Variants in ATXN7 observed in about 807,000 individuals in gnomAD.
ATXN7 encodes the protein ataxin-7.
Under a neutral mutation model 70.5 loss-of-function variants are expected in ATXN7, and 12 were observed. The ratio of observed to expected loss-of-function variants is 0.17; its 90% CI spans 0.11 to 0.28. The LOEUF (loss-of-function observed/expected upper bound fraction) is 0.28. Ranked by LOEUF, ATXN7 falls within the 10% of genes least tolerant of loss-of-function variation. ATXN7 has a pLI of 1.00. For missense variants in ATXN7, 1,256 were observed against 1,131.7 expected (o/e 1.11, Z -1.58); for synonymous variants, 498 against 448.7 (o/e 1.11, Z -1.39).
At chr3:63,989,414 C>T (rs559998596) in intron 9 of ATXN7, among the ~76,000 whole-genome samples, 1 of 152,342 alleles carries the variant, frequency 6.6e-6, no homozygotes, top group African/African-American at 2.4e-5. Context: ...CTTGTATCAC[C>T]TCCTGTCTCT....
At chr3:63,915,555 A>G (rs188359496) in intron 4 of ATXN7, among the ~76,000 whole-genome samples, 2 of 152,348 alleles carry the variant, frequency 1.3e-5, no homozygotes, top group Non-Finnish European at 2.9e-5. Context: ...TGTCTGCTTA[A>G]AATTATCAGC....
chr3:63,985,569 C>T (rs2106771836), intron 8 of ATXN7, among the ~76,000 whole-genome samples: 1 of 152,314 alleles, frequency 6.6e-6, no homozygotes, highest in South Asian at 2.1e-4. Flanking sequence ...TGAGTGTTTC[C>T]CAAGTTGCTG....
chr3:63,986,435 G>T (rs1416137199), intron 8 of ATXN7, among the ~76,000 whole-genome samples: 1 of 152,174 alleles, frequency 6.6e-6, no homozygotes, highest in African/African-American at 2.4e-5. Flanking sequence ...TGGCTGTACT[G>T]TGCTAGGCAC....
chr3:63,975,301 A>G (rs1178906171), intron 5 of ATXN7, among the ~76,000 whole-genome samples: 1 of 152,188 alleles, frequency 6.6e-6, no homozygotes, highest in Non-Finnish European at 1.5e-5. Context: ...TTATTTTGGC[A>G]TGTGTAAAAT....
At chr3:63,916,998 C>T (rs2107308956) in intron 4 of ATXN7, among the ~76,000 whole-genome samples, 1 of 152,272 alleles carries the variant, frequency 6.6e-6, no homozygotes, top group East Asian at 1.9e-4. Flanking sequence ...GTGCTCACTG[C>T]AACTTCCGCT....
intron 4 of ATXN7, among the ~76,000 whole-genome samples, chr3:63,952,024 A>G (rs973755999): frequency 6.6e-6 from 1 of 152,246 alleles, no homozygotes; most frequent in African/African-American, 2.4e-5. Context: ...GTTAAACAAA[A>G]GCATTAGATG....
At chr3:63,998,586 T>C (rs1201726301) in intron 12 of ATXN7, 1 of 985,270 alleles carries the variant, frequency 1.0e-6, no homozygotes. Context: ...AAGTTTGTGT[T>C]TGAGAGAGAT....
chr3:63,942,675 A>T (rs1219557243), intron 4 of ATXN7, among the ~76,000 whole-genome samples: 1 of 152,232 alleles, frequency 6.6e-6, no homozygotes, highest in Admixed American at 6.5e-5. Flanking sequence ...GCTACAGACC[A>T]GTAGAGATTG....
At chr3:63,989,821 C>G (rs1024371661) in intron 9 of ATXN7, among the ~76,000 whole-genome samples, 1 of 152,138 alleles carries the variant, frequency 6.6e-6, no homozygotes, top group Non-Finnish European at 1.5e-5. Context: ...TGTAGGTAAA[C>G]CAAATCCAGT....
chr3:63,957,080 T>C (rs759892775), intron 5 of ATXN7, among the ~76,000 whole-genome samples: 1 of 152,162 alleles, frequency 6.6e-6, no homozygotes. Flanking sequence ...AGATGACTTG[T>C]GGGGTGTTTT....
At chr3:63,887,978 C>T (rs972424917) in intron 1 of ATXN7, among the ~76,000 whole-genome samples, 3 of 151,606 alleles carry the variant, frequency 2.0e-5, no homozygotes, top group Non-Finnish European at 4.4e-5. Context: ...GTGCTACCTA[C>T]TCCTTTGTAA....
At chr3:63,915,326 T>G (rs1044621469) in intron 4 of ATXN7, among the ~76,000 whole-genome samples, 24 of 152,202 alleles carry the variant, frequency 1.6e-4, no homozygotes, top group African/African-American at 5.6e-4. Context: ...ACTTGGAACG[T>G]ACACCTGTCT....
chr3:63,962,251 A>C lies in ATXN7; in HGVS notation c.499+9768A>C, dbSNP rs1467485234. 2.6e-5 allele frequency among the ~76,000 whole-genome samples: 4 copies of C among 152,168 alleles called. No homozygotes were observed. The East Asian group carries it at 7.7e-4, about 29-fold the overall frequency. ...TGAATGTTAAAAAAGAAGAACAGATAATTATTTCCATTTAAAATAAAATAC... is the reference window on the plus strand; with the variant it reads ...TGAATGTTAAAAAAGAAGAACAGATCATTATTTCCATTTAAAATAAAATAC... On this transcript the variant is annotated intron_variant, in intron 5 of 12. Coordinates refer to ENST00000674280, the MANE Select transcript of ATXN7 (RefSeq NM_001377405.1).
chr3:63,877,193 A>T (rs114776121), intron 1 of ATXN7, among the ~76,000 whole-genome samples: 1 of 152,224 alleles, frequency 6.6e-6, no homozygotes, highest in Non-Finnish European at 1.5e-5. Flanking sequence ...GGAAAAACTG[A>T]AATTCCTGAA....
intron 5 of ATXN7, 82 bp downstream of exon 5, chr3:63,952,565 C>A: frequency 1.1e-6 from 1 of 926,824 alleles, no homozygotes; most frequent in Non-Finnish European, 1.6e-6. Flanking sequence ...TGATGGCATG[C>A]ATGGGACATA....
intron 6 of ATXN7, 118 bp downstream of exon 6, chr3:63,980,285 C>A: frequency 7.4e-7 from 1 of 1,347,178 alleles, no homozygotes; most frequent in East Asian, 2.3e-5. Flanking sequence ...GGGAAGAATT[C>A]AAATGTATGT....
intron 5 of ATXN7, among the ~76,000 whole-genome samples, chr3:63,957,564 G>A (rs955233621): frequency 3.3e-5 from 5 of 152,226 alleles, no homozygotes; most frequent in African/African-American, 1.2e-4. Context: ...AGTAGTAAAT[G>A]TGAAAATGAA....
chr3:63,902,708 G>A (rs1286384958), intron 2 of ATXN7, among the ~76,000 whole-genome samples: 1 of 152,032 alleles, frequency 6.6e-6, no homozygotes, highest in Non-Finnish European at 1.5e-5. Flanking sequence ...TGGTGCTCTG[G>A]GAATCCCAGC....
intron 4 of ATXN7, among the ~76,000 whole-genome samples, chr3:63,936,597 C>T (rs1021721137): frequency 4.6e-5 from 7 of 152,006 alleles, no homozygotes; most frequent in African/African-American, 1.7e-4. Context: ...AGACTGAGTC[C>T]CAAAGGTGAG....
Sources: allele counts gnomAD v4.1 joint callset (sites outside exome capture counted in the v4.1 genomes callset), GRCh38; gene constraint gnomAD v4.1.1; transcripts MANE v1.5; gene names NCBI Gene and HGNC (gene_info 2026-07-23, HGNC 2026-07-21).